The following C11orf65 variants were observed in gnomAD, a reference collection of about 807,000 sequenced individuals.
The protein encoded by C11orf65 is protein MFI.
Under a neutral mutation model 35.3 loss-of-function variants are expected in C11orf65, and 38 were observed. The observed-to-expected ratio is 1.08, with a 90% CI of 0.83 to 1.41. The LOEUF (loss-of-function observed/expected upper bound fraction) is 1.41, where lower values mean the gene tolerates loss of function less well. C11orf65 is among the 40% of genes most tolerant of loss of function. The pLI is 0.00. For synonymous variants in C11orf65, 105 were observed against 114.4 expected, an observed-to-expected ratio of 0.92 and a Z score of 0.53; for missense variants, 370 against 367.1, an observed-to-expected ratio of 1.01 and a Z score of -0.06.
chr11:108,334,825 C>T (rs1049016919), intron 3 of C11orf65: 10 of 924,274 alleles, frequency 1.1e-5, no homozygotes, highest in South Asian at 9.6e-5. Context: ...CCACCACACC[C>T]GGCCTAAAGT....
intron 3 of C11orf65, among the ~76,000 whole-genome samples, chr11:108,414,970 A>G (rs2092709649): frequency 6.6e-6 from 1 of 152,158 alleles, no homozygotes; most frequent in African/African-American, 2.4e-5. Context: ...AGCATTTGAC[A>G]AAATCCAACA....
intron 2 of C11orf65, among the ~76,000 whole-genome samples, chr11:108,359,532 C>A (rs2090454091): frequency 1.3e-5 from 2 of 152,008 alleles, no homozygotes; most frequent in African/African-American, 4.8e-5. Context: ...CCAAAATTGA[C>A]CCCATAGTTG....
chr11:108,421,606 C>T (rs960695452), intron 3 of C11orf65, among the ~76,000 whole-genome samples: 4 of 151,962 alleles, frequency 2.6e-5, no homozygotes, highest in Admixed American at 6.6e-5. Context: ...TGCAGTGAGC[C>T]GAGATCGTGC....
chr11:108,445,476 T>TTCTGCAGCCACCACTGC, intron 2 of C11orf65, among the ~76,000 whole-genome samples: 1 of 152,150 alleles, frequency 6.6e-6, no homozygotes, highest in Admixed American at 6.5e-5. Context: ...GCCACCGCTG[T>TTCTGCAGCCACCACTGC]TCTGCAGCCA....
intron 7 of C11orf65, among the ~76,000 whole-genome samples, chr11:108,392,622 C>T (rs1182957705): frequency 6.6e-6 from 1 of 152,126 alleles, no homozygotes; most frequent in Non-Finnish European, 1.5e-5. Context: ...TTGCACATTC[C>T]CACTAGCAGT....
chr11:108,450,852 C>T lies in C11orf65; in HGVS notation c.81+10627G>A, dbSNP rs556117190. Among the ~76,000 whole-genome samples the T allele has an allele frequency of 6.5e-4, 99 of 151,960 alleles. 1 individual carries two copies. The highest frequency in any genetic ancestry group is 1.6e-3 in the African/African-American group (68 of 41,332). On this transcript the variant is annotated intron_variant, in intron 2 of 8. Transcript: ENST00000393084. ...TCCCTGGGATGCAAGGCTGGTTCAA[C>T]GTACACAAATCAATAAATGTAATCC...
At chr11:108,455,425 G>A (rs2093399731) in intron 2 of C11orf65, among the ~76,000 whole-genome samples, 1 of 152,052 alleles carries the variant, frequency 6.6e-6, no homozygotes, top group Admixed American at 6.6e-5. Context: ...AAAATCAATG[G>A]TGTTTCTATA....
At chr11:108,446,387 G>C (rs1400228326) in intron 2 of C11orf65, among the ~76,000 whole-genome samples, 1 of 151,460 alleles carries the variant, frequency 6.6e-6, no homozygotes, top group Non-Finnish European at 1.5e-5. Flanking sequence ...AGAGAGAAAG[G>C]TCGGGTTACC....
chr11:108,327,507 G>A (rs1362993757), downstream of C11orf65: 6 of 660,090 alleles, frequency 9.1e-6, no homozygotes, highest in East Asian at 1.4e-4. Flanking sequence ...TATGGCAAAA[G>A]CAGATGAGGA....
intron 6 of C11orf65, chr11:108,325,940 C>T (rs2085631635): frequency 1.6e-6 from 2 of 1,262,144 alleles, no homozygotes; most frequent in Non-Finnish European, 2.2e-6. Context: ...TTAAGATAGT[C>T]CCTGACAAGT....
At chr11:108,343,183 GC>G in intron 2 of C11orf65, 1 of 1,611,314 alleles carries the variant, frequency 6.2e-7, no homozygotes, top group Non-Finnish European at 8.5e-7. Context: ...CTCTTTAATG[GC>G]CTTTTAAAAT....
At chr11:108,450,900 C>T (rs2093339315) in intron 2 of C11orf65, among the ~76,000 whole-genome samples, 1 of 151,958 alleles carries the variant, frequency 6.6e-6, no homozygotes, top group Non-Finnish European at 1.5e-5. Flanking sequence ...GAACCAATTA[C>T]AAAAACCACA....
intron 2 of C11orf65, among the ~76,000 whole-genome samples, chr11:108,436,165 C>G (rs949313075): frequency 6.6e-6 from 1 of 151,516 alleles, no homozygotes; most frequent in Non-Finnish European, 1.5e-5. Flanking sequence ...AGGATGCGGG[C>G]AACTTCTAGA....
chr11:108,451,625 T>A (rs1348425655), intron 2 of C11orf65, among the ~76,000 whole-genome samples: 1 of 151,902 alleles, frequency 6.6e-6, no homozygotes, highest in Non-Finnish European at 1.5e-5. Flanking sequence ...AAGCTACCAA[T>A]GACTTTCTTC....
rs757829783 is a variant in C11orf65, at chr11:108,332,878, C to T, written c.300-1311G>A. The stretch of plus-strand genomic sequence containing the variant: ...ATATTATATTAGCAAACTTAGATGC[C>T]ACTCAGTGGAAGACTCAGAGAAGTA... On this transcript the variant is annotated intron_variant, in intron 3 of 3. Transcript: ENST00000524755. The T allele has an allele frequency of 6.2e-6, 10 of 1,612,754 alleles. 1 individual carries two copies. The African/African-American group carries it at 1.3e-4, about 22-fold the overall frequency.
rs893772912 is a variant in C11orf65, at chr11:108,461,531, G to C, written c.29C>G (p.Thr10Arg). 4 of 1,609,394 alleles carry C rather than the reference G, an allele frequency of 2.5e-6. No individual in the cohort carries two copies. The South Asian group carries it at 4.5e-5, about 18-fold the overall frequency. ...GACTCTGGCAGCCTTATCCTGCTTT[G>C]TAAATTCTGATTCCTCTTTCCAAGG... MPWKEESEF[T>R]KQDKAARVIQ... The change falls in exon 2 of 9, where the codon ACA becomes AGA. Residue 10 changes from threonine to arginine, a missense_variant. Physicochemically the swap from Thr to Arg is moderately conservative, Grantham distance 71 (BLOSUM62 -1). Coordinates refer to ENST00000393084, the MANE Select transcript of C11orf65 (RefSeq NM_152587.5).
chr11:108,350,949 A>G (rs552016899), intron 2 of C11orf65, among the ~76,000 whole-genome samples: 2 of 152,350 alleles, frequency 1.3e-5, no homozygotes, highest in African/African-American at 4.8e-5. Context: ...AAATGCATAC[A>G]TATGTATAAA....
Position 108,365,509 on chromosome 11 carries a change from T to A in C11orf65, c.226+27699A>T, listed in dbSNP as rs757922166. On this transcript the variant is annotated intron_variant, in intron 2 of 3. Transcript: ENST00000524755. The stretch of plus-strand genomic sequence containing the variant: ...CCCAGGATGGAAAGCTTGGGTGTGA[T>A]CTTCAGTATATGAATTACCCTTTCA... 13 of 1,613,982 alleles carry A rather than the reference T, an allele frequency of 8.1e-6. No homozygotes were observed. The highest frequency in any genetic ancestry group is 4.0e-5 in the African/African-American group (3 of 74,934).
chr11:108,443,111 G>A (rs1172350058), intron 2 of C11orf65, among the ~76,000 whole-genome samples: 2 of 152,106 alleles, frequency 1.3e-5, no homozygotes, highest in East Asian at 1.9e-4. Flanking sequence ...TCAAAATAAA[G>A]GGATGGAGGA....
Sources: allele counts gnomAD v4.1 joint callset (sites outside exome capture counted in the v4.1 genomes callset), GRCh38; gene constraint gnomAD v4.1.1; transcripts MANE v1.5; gene names NCBI Gene and HGNC (gene_info 2026-07-23, HGNC 2026-07-21).